Variants in ATP6V1H observed in about 807,000 individuals in gnomAD.
The protein encoded by ATP6V1H is ATPase H+ transporting V1 subunit H, also known as V-type proton ATPase subunit H.
A neutral mutation model predicts 71.7 loss-of-function variants in ATP6V1H; 39 were observed. The ratio of observed to expected loss-of-function variants is 0.54; its 90% CI spans 0.42 to 0.71. ATP6V1H has a LOEUF of 0.71. Among genes scored for constraint, ATP6V1H ranks in the 30% least tolerant of loss-of-function variants. ATP6V1H has a pLI of 0.00. For missense variants in ATP6V1H, 509 were observed against 594.9 expected (o/e 0.86, Z 1.50); for synonymous variants, 192 against 199.3 (o/e 0.96, Z 0.31).
intron 9 of ATP6V1H, among the ~76,000 whole-genome samples, chr8:53,775,941 G>A (rs1808864127): frequency 6.6e-6 from 1 of 152,236 alleles, no homozygotes; most frequent in Admixed American, 6.5e-5. Context: ...TGGGCGCCGT[G>A]GAGCAGGGGG....
intron 9 of ATP6V1H, among the ~76,000 whole-genome samples, chr8:53,791,454 A>T (rs1809562496): frequency 6.6e-6 from 1 of 152,206 alleles, no homozygotes; most frequent in Non-Finnish European, 1.5e-5. Flanking sequence ...GAAAGTAAAC[A>T]GCCACAAATC....
chr8:53,795,603 T>C (rs945381090), intron 9 of ATP6V1H, 44 bp downstream of exon 9: 2 of 1,574,622 alleles, frequency 1.3e-6, no homozygotes, highest in Non-Finnish European at 1.7e-6. Flanking sequence ...TACTGCACAG[T>C]GAAAAATGCC....
At chr8:53,732,490 G>A (rs1807057175) in intron 13 of ATP6V1H, among the ~76,000 whole-genome samples, 1 of 151,918 alleles carries the variant, frequency 6.6e-6, no homozygotes, top group African/African-American at 2.4e-5. Context: ...TTTTGGTGTT[G>A]GATGGCCAAC....
At chr8:53,753,339 G>A (rs1270326271) in intron 12 of ATP6V1H, among the ~76,000 whole-genome samples, 1 of 152,210 alleles carries the variant, frequency 6.6e-6, no homozygotes, top group Non-Finnish European at 1.5e-5. Context: ...AGGATCGACT[G>A]CAGCAGATAT....
intron 9 of ATP6V1H, among the ~76,000 whole-genome samples, chr8:53,790,483 A>T (rs974468000): frequency 9.2e-5 from 14 of 152,230 alleles, no homozygotes; most frequent in Admixed American, 6.5e-5. Flanking sequence ...CCAAAGGTTC[A>T]TTTAGCACAT....
chr8:53,800,848 A>C (rs1809888491), intron 8 of ATP6V1H, among the ~76,000 whole-genome samples: 1 of 152,188 alleles, frequency 6.6e-6, no homozygotes, highest in South Asian at 2.1e-4. Flanking sequence ...AAAATGACTA[A>C]AAATATATTT....
At chr8:53,810,228 C>T (rs1167157117) in intron 7 of ATP6V1H, among the ~76,000 whole-genome samples, 1 of 152,162 alleles carries the variant, frequency 6.6e-6, no homozygotes, top group African/African-American at 2.4e-5. Flanking sequence ...TTTCTGTCTC[C>T]GTTTTCCCTA....
chr8:53,817,234 A>G (rs538242916), intron 5 of ATP6V1H, among the ~76,000 whole-genome samples, 183 bp downstream of exon 5: 3 of 146,970 alleles, frequency 2.0e-5, no homozygotes, highest in Non-Finnish European at 4.4e-5. Flanking sequence ...TCTTCTTTGT[A>G]TTTAAAAAAA....
At chr8:53,718,320 C>T (rs1806495149) in intron 13 of ATP6V1H, among the ~76,000 whole-genome samples, 1 of 152,020 alleles carries the variant, frequency 6.6e-6, no homozygotes, top group African/African-American at 2.4e-5. Context: ...ACCCTACCAT[C>T]TTCCATTCAT....
intron 4 of ATP6V1H, among the ~76,000 whole-genome samples, chr8:53,818,618 C>G (rs1012772255): frequency 6.6e-6 from 1 of 152,142 alleles, no homozygotes; most frequent in African/African-American, 2.4e-5. Flanking sequence ...ATCCAGGTTA[C>G]AGACCTTTAA....
At chr8:53,776,347 C>T (rs1201583341) in intron 9 of ATP6V1H, among the ~76,000 whole-genome samples, 1 of 152,220 alleles carries the variant, frequency 6.6e-6, no homozygotes, top group African/African-American at 2.4e-5. Context: ...GGGGCTCCCA[C>T]AGTGCAGCGG....
At chr8:53,747,531 T>TTTTTTTTTTCC (rs1807648963) in intron 12 of ATP6V1H, among the ~76,000 whole-genome samples, 2 of 151,868 alleles carry the variant, frequency 1.3e-5, no homozygotes, top group African/African-American at 4.8e-5. Flanking sequence ...AAGCTCTTTT[T>TTTTTTTTTTCC]TTTTTTTTCC....
intron 2 of ATP6V1H, among the ~76,000 whole-genome samples, chr8:53,837,231 C>T (rs1585842548): frequency 6.6e-6 from 1 of 151,900 alleles, no homozygotes; most frequent in Admixed American, 6.6e-5. Context: ...TGTTAGTTAC[C>T]AAGCATGTTA....
chr8:53,764,012 T>C (rs1168977985), intron 11 of ATP6V1H, among the ~76,000 whole-genome samples: 2 of 152,244 alleles, frequency 1.3e-5, no homozygotes, highest in African/African-American at 4.8e-5. Context: ...AATAGGCCTG[T>C]ATCTATTAAA....
rs190765736 is a variant in ATP6V1H, at chr8:53,748,082, G to A, written c.1278-4392C>T. On this transcript the variant is annotated intron_variant, in intron 12 of 13. Transcript: ENST00000359530. Reference sequence around the variant, plus strand: ...CTGAGGCAGGAGAACCGCTTGAACCGAGGAGGTGGAGGTTGCAGTGAGCCG... The same window carrying A: ...CTGAGGCAGGAGAACCGCTTGAACCAAGGAGGTGGAGGTTGCAGTGAGCCG... Among the ~76,000 whole-genome samples, 299 of 151,768 alleles carry A rather than the reference G, an allele frequency of 2.0e-3. 2 individuals are homozygous for A. The highest frequency in any genetic ancestry group is 6.9e-3 in the African/African-American group (287 of 41,430).
intron 9 of ATP6V1H, among the ~76,000 whole-genome samples, chr8:53,788,637 A>G (rs192266990): frequency 6.6e-6 from 1 of 152,344 alleles, no homozygotes; most frequent in Admixed American, 6.5e-5. Flanking sequence ...TGAGTTAAGT[A>G]CCATCTACCA....
At chr8:53,755,291 C>T (rs1359651674) in intron 12 of ATP6V1H, among the ~76,000 whole-genome samples, 1 of 152,102 alleles carries the variant, frequency 6.6e-6, no homozygotes, top group African/African-American at 2.4e-5. Flanking sequence ...AATCTATGTG[C>T]CCCATTCCAA....
intron 9 of ATP6V1H, among the ~76,000 whole-genome samples, chr8:53,791,348 A>G (rs1415439002): frequency 1.3e-5 from 2 of 152,184 alleles, no homozygotes; most frequent in East Asian, 3.9e-4. Flanking sequence ...TCAGGTGATA[A>G]CCAGGATGAC....
At chr8:53,779,933 C>T (rs755904292) in intron 9 of ATP6V1H, among the ~76,000 whole-genome samples, 4 of 152,134 alleles carry the variant, frequency 2.6e-5, no homozygotes, top group Non-Finnish European at 4.4e-5. Flanking sequence ...CCAAGGCAGG[C>T]GGATCACCTG....
Sources: gnomAD v4.1 joint callset for allele counts (sites outside exome capture counted in the v4.1 genomes callset) on GRCh38, gnomAD v4.1.1 for gene constraint, MANE v1.5 for transcripts, NCBI Gene and HGNC (gene_info 2026-07-23, HGNC 2026-07-21) for gene names.